THBS4: variants seen among roughly 807,000 people sequenced by gnomAD.
THBS4 encodes thrombospondin 4.
A neutral mutation model predicts 115.7 loss-of-function variants in THBS4; 90 were observed. The observed-to-expected ratio is 0.78, with a 90% CI of 0.66 to 0.93. THBS4 has a LOEUF of 0.93. Among genes scored for constraint, THBS4 ranks in the 40% least tolerant of loss-of-function variants. The pLI is 0.00. For synonymous variants in THBS4, 460 were observed against 479.3 expected, an observed-to-expected ratio of 0.96 and a Z score of 0.53; for missense variants, 1,087 against 1,232.7, an observed-to-expected ratio of 0.88 and a Z score of 1.77.
intron 17 of THBS4, 72 bp from the exon 18 acceptor site, chr5:80,078,849 G>A (rs978280547): frequency 6.7e-7 from 1 of 1,490,160 alleles, no homozygotes; most frequent in Admixed American, 1.9e-5. Context: ...TATGGTGCCT[G>A]AGGTTTTGAG....
At chr5:80,077,910 T>TC (rs1299053915) in intron 16 of THBS4, 139 bp from the exon 17 acceptor site, 2 of 743,550 alleles carry the variant, frequency 2.7e-6, no homozygotes, top group African/African-American at 3.6e-5. Flanking sequence ...AGGGCTCCTC[T>TC]CCCAACACTG....
In THBS4 at chr5:80,077,869, T is replaced by A. The variant is rs917041002; in HGVS notation, c.2087-180T>A. Reference sequence around the variant, plus strand: ...GTCACCCAGTACAAGGACTCCAGAATGGGGCCTGGCACCAGCTCAGACATG... The same window carrying A: ...GTCACCCAGTACAAGGACTCCAGAAAGGGGCCTGGCACCAGCTCAGACATG... On this transcript the variant is annotated intron_variant, in intron 16 of 21. Coordinates refer to ENST00000350881, the MANE Select transcript of THBS4 (RefSeq NM_003248.6). 1.4e-4 allele frequency among the ~76,000 whole-genome samples: 22 copies of A among 152,170 alleles called. 1 individual carries two copies. The highest frequency in any genetic ancestry group is 1.1e-3 in the Admixed American group (17 of 15,276).
intron 16 of THBS4, among the ~76,000 whole-genome samples, chr5:80,077,634 G>C (rs145074786): frequency 6.6e-6 from 1 of 152,192 alleles, no homozygotes; most frequent in African/African-American, 2.4e-5. Context: ...GCCACCAGAA[G>C]TTAGTGTTAG....
chr5:80,065,967 T>C (rs1170384048), intron 9 of THBS4, among the ~76,000 whole-genome samples: 1 of 151,982 alleles, frequency 6.6e-6, no homozygotes, highest in African/African-American at 2.4e-5. Flanking sequence ...TGGTGGCGGG[T>C]GCCTGTAGTC....
intron 7 of THBS4, 25 bp downstream of exon 7, chr5:80,059,930 G>T: frequency 1.2e-6 from 2 of 1,605,736 alleles, no homozygotes; most frequent in South Asian, 1.1e-5. Flanking sequence ...AGACTGGGAG[G>T]GGATCCCTAA....
At position 80,079,772 on chromosome 5, in the gene THBS4, T is replaced by G. The variant is rs567104481; in HGVS notation, c.2512-133T>G. ...CTCCATAGAAATGACATTTAAGTGT[T>G]TATGCTTTGTTCTGAATCCAAGGCA... On this transcript the variant is annotated intron_variant, in intron 19 of 21. Transcript: ENST00000350881. 172 of 910,672 alleles carry G rather than the reference T, an allele frequency of 1.9e-4. No homozygotes were observed. The African/African-American group carries it at 2.6e-3, about 14-fold the overall frequency. 56.4% of individuals were successfully genotyped at this position (910,672 alleles called of 1,614,324 possible). A position where few individuals can be genotyped will look rare whatever the true frequency, so the allele number is the denominator to read the frequency against.
intron 2 of THBS4, among the ~76,000 whole-genome samples, chr5:80,022,582 A>G (rs530340519): frequency 5.3e-4 from 80 of 152,356 alleles, no homozygotes; most frequent in Non-Finnish European, 1.1e-3. Flanking sequence ...AGTTGAAAAT[A>G]TAGTTGTCTC....
intron 17 of THBS4, among the ~76,000 whole-genome samples, chr5:80,078,585 A>G (rs927424322): frequency 2.0e-5 from 3 of 152,226 alleles, no homozygotes; most frequent in Non-Finnish European, 2.9e-5. Context: ...GTGCAGGCAC[A>G]GAGAGGCTTA....
intron 2 of THBS4, among the ~76,000 whole-genome samples, chr5:80,050,626 C>G (rs963960905): frequency 6.6e-6 from 1 of 152,196 alleles, no homozygotes; most frequent in Admixed American, 6.5e-5. Context: ...TGCATGACCT[C>G]TAAACTGTAA....
At chr5:80,035,038 T>C (rs1035176877), upstream of THBS4, among the ~76,000 whole-genome samples, 3 of 152,076 alleles carry the variant, frequency 2.0e-5, no homozygotes, top group African/African-American at 7.2e-5. The surrounding 1 kb of genome is among the most constrained non-coding windows in gnomAD (Gnocchi z 4.6). Flanking sequence ...TCTTCCTCCC[T>C]TTCGCCCCTT....
intron 21 of THBS4, 56 bp from the exon 22 acceptor site, chr5:80,083,017 GGGGGTCC>G (rs940590519): frequency 3.4e-6 from 5 of 1,477,860 alleles, no homozygotes; most frequent in African/African-American, 1.4e-5. Flanking sequence ...AGCCGCGGGC[GGGGGTCC>G]GGGGTCCGGG....
intron 2 of THBS4, among the ~76,000 whole-genome samples, chr5:80,027,715 G>T (rs1832505329): frequency 6.6e-6 from 1 of 151,730 alleles, no homozygotes; most frequent in African/African-American, 2.4e-5. Context: ...AGGCAATATG[G>T]CAAAATCCCA....
intron 19 of THBS4, 48 bp downstream of exon 19, chr5:80,079,306 A>G: frequency 2.6e-6 from 4 of 1,519,086 alleles, no homozygotes; most frequent in Non-Finnish European, 3.5e-6. Context: ...TGGACCTCTC[A>G]TCTTTTTTCA....
intron 1 of THBS4, among the ~76,000 whole-genome samples, chr5:79,996,836 G>C (rs768149234): frequency 6.6e-6 from 1 of 151,976 alleles, no homozygotes; most frequent in Non-Finnish European, 1.5e-5. Context: ...AAGGGTCCTA[G>C]GTGGAAATAA....
chr5:80,015,477 A>T (rs1832228200), intron 2 of THBS4, among the ~76,000 whole-genome samples: 1 of 152,204 alleles, frequency 6.6e-6, no homozygotes, highest in Non-Finnish European at 1.5e-5. Context: ...GGGCAGTGAG[A>T]TCACCAGTAT....
At chr5:79,994,158 A>G (rs953941744) in intron 1 of THBS4, among the ~76,000 whole-genome samples, 1 of 152,242 alleles carries the variant, frequency 6.6e-6, no homozygotes. Context: ...AGTTGTTTCA[A>G]GTATCTAACA....
rs966970767 is a variant in THBS4 at position 80,079,380 on chromosome 5, G to A, written c.2511+122G>A. 7.7e-5 allele frequency: 84 copies of A among 1,088,422 alleles called. No homozygotes were observed. The Middle Eastern group carries it at 8.9e-4, about 12-fold the overall frequency. The allele number at this position is 1,088,422 out of a possible 1,614,324, so 67.4% of individuals were successfully genotyped here. On this transcript the variant is annotated intron_variant, in intron 19 of 21. Coordinates refer to ENST00000350881, the MANE Select transcript of THBS4 (RefSeq NM_003248.6). ...AAAAAATTGATGCATTTATGCTAACGTTAGAGTCAGGGAAGACTACAGTTG... is the reference window on the plus strand; with the variant it reads ...AAAAAATTGATGCATTTATGCTAACATTAGAGTCAGGGAAGACTACAGTTG...
upstream of THBS4, among the ~76,000 whole-genome samples, chr5:80,032,350 T>TAGG (rs1392370013): frequency 6.6e-6 from 1 of 152,224 alleles, no homozygotes; most frequent in Non-Finnish European, 1.5e-5. Flanking sequence ...GTTTTTCCGT[T>TAGG]ACACTTAGTA....
Position 80,078,933 on chromosome 5 carries a change from G to A in THBS4, c.2278G>A (p.Val760Ile). The stretch of plus-strand genomic sequence containing the variant: ...ACTCTCTCTGCAGGGCATGGAGATT[G>A]TACAGACCATGAACAGTGATCCTGG... ...WVVLNQGMEI[V>I]QTMNSDPGLA... Residue 760 changes from valine (V) to isoleucine (I), a missense_variant, in exon 18 of 22, where the codon GTA becomes ATA. Physicochemically the swap from Val to Ile is conservative, Grantham distance 29 (BLOSUM62 3). Transcript: ENST00000350881. The A allele has an allele frequency of 1.2e-6, 2 of 1,614,144 alleles. No individual in the cohort carries two copies. The highest frequency in any genetic ancestry group is 1.7e-6 in the Non-Finnish European group (2 of 1,180,000).
Sources: allele counts gnomAD v4.1 joint callset (sites outside exome capture counted in the v4.1 genomes callset), GRCh38; gene constraint gnomAD v4.1.1; non-coding constraint Gnocchi (gnomAD v3.1); transcripts MANE v1.5; gene names NCBI Gene and HGNC (gene_info 2026-07-23, HGNC 2026-07-21).